Variants in TRIML2 observed in about 807,000 individuals in gnomAD.
TRIML2 encodes probable E3 ubiquitin-protein ligase TRIML2.
A neutral mutation model predicts 31.2 loss-of-function variants in TRIML2; 28 were observed. The observed-to-expected ratio is 0.90, with a 90% CI of 0.66 to 1.23. The LOEUF (loss-of-function observed/expected upper bound fraction) is 1.23, where lower values mean the gene tolerates loss of function less well. Among genes scored for constraint, TRIML2 ranks in the 50% most tolerant of loss-of-function variants. The pLI is 0.00. For missense variants in TRIML2, 536 were observed against 528.3 expected (o/e 1.01, Z -0.14); for synonymous variants, 187 against 197.5 (o/e 0.95, Z 0.45).
Position 188,104,923 on chromosome 4 carries a change from G to A in TRIML2, c.199C>T (p.Gln67Ter), listed in dbSNP as rs1226609877. ...EAAENYRKLF[Q>*]EILNTSREKL... is the part of the protein sequence containing the mutation. Reference sequence around the variant, plus strand: ...TCCCTCGATGTGTTCAATATTTCCTGGAATAACTTCTATAGAGAAAGCACA... The same window carrying A: ...TCCCTCGATGTGTTCAATATTTCCTAGAATAACTTCTATAGAGAAAGCACA... Residue 67 changes from glutamine to a stop codon, truncating the protein, a stop_gained, in exon 3 of 8, where the codon CAG becomes TAG. Coordinates refer to ENST00000682553, the MANE Select transcript of TRIML2 (RefSeq NM_173553.4). LOFTEE classifies it high-confidence loss of function. 1.2e-6 allele frequency: 2 copies of A among 1,613,112 alleles called. No individual in the cohort carries two copies. Among genetic ancestry groups the A allele is most frequent in the African/African-American group, 2.7e-5 (2 of 74,870 alleles).
intron 1 of TRIML2, among the ~76,000 whole-genome samples, chr4:188,108,884 T>C (rs570279206): frequency 1.3e-5 from 2 of 152,322 alleles, no homozygotes; most frequent in East Asian, 3.9e-4. Context: ...ACAAGTTTAC[T>C]TGTGGGTCAC....
intron 7 of TRIML2, chr4:188,092,667 C>G (rs1011317070): frequency 4.8e-6 from 2 of 413,124 alleles, no homozygotes; most frequent in African/African-American, 2.0e-5. Context: ...TCTTAAATAT[C>G]CCCACAGGGT....
At chr4:188,099,394 T>C (rs1014046299) in intron 4 of TRIML2, among the ~76,000 whole-genome samples, 1 of 152,092 alleles carries the variant, frequency 6.6e-6, no homozygotes, top group Non-Finnish European at 1.5e-5. Context: ...TGAAACCCAG[T>C]CTCCACTAGA....
chr4:188,100,800 T>C (rs1733752464), intron 4 of TRIML2, among the ~76,000 whole-genome samples: 1 of 152,170 alleles, frequency 6.6e-6, no homozygotes, highest in African/African-American at 2.4e-5. Flanking sequence ...GGTGTCTTTT[T>C]CTATGTGTGT....
At chr4:188,104,720 T>C (rs1176768157) in intron 3 of TRIML2, 117 bp downstream of exon 3, 5 of 878,352 alleles carry the variant, frequency 5.7e-6, no homozygotes, top group African/African-American at 5.0e-5. Flanking sequence ...TTCCTTCCTA[T>C]AGATTTCACA....
Position 188,091,680 on chromosome 4 carries a change from C to G in TRIML2, c.1007G>C (p.Gly336Ala). The G allele has an allele frequency of 1.2e-6, 2 of 1,613,162 alleles. No individual in the cohort carries two copies. Among genetic ancestry groups the G allele is most frequent in the Non-Finnish European group, 1.7e-6 (2 of 1,179,190 alleles). The change falls in exon 8 of 8, where the codon GGA becomes GCA. Residue 336 changes from glycine to alanine, a missense_variant. By Grantham distance (60) the Gly-to-Ala change is moderately conservative. Transcript: ENST00000682553. ...DAKGSTARAS[G>A]EKVLLTGSVM... ...CGACCCCGTGAGCAAGACTTTCTCT[C>G]CGGAAGCTCTGGCCGTGCTGCCCTT...
At chr4:188,100,714 C>T (rs1186445083) in intron 4 of TRIML2, among the ~76,000 whole-genome samples, 6 of 152,004 alleles carry the variant, frequency 3.9e-5, no homozygotes, top group Non-Finnish European at 7.4e-5. Context: ...GAGCCAGACT[C>T]TGTCTCAAAA....
chr4:188,097,333 G>C lies in TRIML2; in HGVS notation c.635C>G (p.Ser212Cys). The C allele has an allele frequency of 1.2e-6, 2 of 1,613,958 alleles. No individual in the cohort carries two copies. The highest frequency in any genetic ancestry group is 2.2e-5 in the East Asian group (1 of 44,872). The change falls in exon 6 of 8, where the codon TCT becomes TGT. Residue 212 changes from serine to cysteine, a missense_variant. By Grantham distance (112) the Ser-to-Cys change is moderately radical. Coordinates refer to ENST00000682553, the MANE Select transcript of TRIML2 (RefSeq NM_173553.4). ...CAAAATGAAAACTCACCTTTCTAAA[G>C]AGTATTTTGCATTCTAAGGGAAAGA... is the stretch of plus-strand genomic sequence containing the variant. ...TLALLKNAKY[S>C]LERSKSLLLE... is the part of the protein sequence containing the mutation.
At position 188,109,340 on chromosome 4, in the gene TRIML2, A is replaced by G. The variant is rs1734150472; in HGVS notation, c.-320T>C. ...CACCCAGGCTGGAATGCAGTGGCGC[A>G]ATCTCGGCTCACTACAGCCTCGAGC... On this transcript the variant is annotated 5_prime_UTR_variant, in exon 1 of 8. Coordinates refer to ENST00000682553, the MANE Select transcript of TRIML2 (RefSeq NM_173553.4). 7.6e-6 allele frequency: 1 copy of G among 132,094 alleles called. No homozygotes were observed. The highest frequency in any genetic ancestry group is 2.4e-4 in the South Asian group (1 of 4,132). 8.2% of individuals were successfully genotyped at this position (132,094 alleles called of 1,614,324 possible).
chr4:188,102,226 A>G (rs548146728), intron 3 of TRIML2, among the ~76,000 whole-genome samples: 1 of 152,180 alleles, frequency 6.6e-6, no homozygotes, highest in African/African-American at 2.4e-5. Flanking sequence ...GACATTGGAA[A>G]AGGGCCAATG....
intron 7 of TRIML2, among the ~76,000 whole-genome samples, chr4:188,095,920 A>G (rs1466655908): frequency 6.6e-6 from 1 of 152,354 alleles, no homozygotes; most frequent in East Asian, 1.9e-4. Flanking sequence ...CAACTGCAGT[A>G]TGCTGTCAGC....
chr4:188,099,903 A>G (rs937332187), intron 4 of TRIML2, among the ~76,000 whole-genome samples: 10 of 152,006 alleles, frequency 6.6e-5, no homozygotes, highest in African/African-American at 2.4e-4. Flanking sequence ...CGTTACTGAT[A>G]TCAATTTTCT....
chr4:188,096,829 G>A (rs1012953880), intron 7 of TRIML2, among the ~76,000 whole-genome samples: 11 of 151,812 alleles, frequency 7.2e-5, no homozygotes, highest in African/African-American at 2.2e-4. Context: ...GCTAATTTTC[G>A]TATTTTTTGT....
intron 4 of TRIML2, among the ~76,000 whole-genome samples, chr4:188,100,729 G>A (rs951216421): frequency 6.6e-6 from 1 of 152,028 alleles, no homozygotes; most frequent in Non-Finnish European, 1.5e-5. Flanking sequence ...TCAAAAAAAA[G>A]AAAGGTGAAT....
intron 3 of TRIML2, among the ~76,000 whole-genome samples, chr4:188,102,130 A>C (rs1363882238): frequency 1.0e-5 from 1 of 99,526 alleles, no homozygotes; most frequent in African/African-American, 4.2e-5. Context: ...ACTCCATCTT[A>C]AAAAAAAAAA....
intron 7 of TRIML2, among the ~76,000 whole-genome samples, chr4:188,096,797 C>T (rs1041495118): frequency 1.3e-5 from 2 of 151,744 alleles, no homozygotes; most frequent in Non-Finnish European, 2.9e-5. Context: ...GCAGGGACTA[C>T]AGGCACACGC....
intron 5 of TRIML2, chr4:188,098,722 G>T: frequency 3.5e-6 from 1 of 289,366 alleles, no homozygotes; most frequent in Non-Finnish European, 6.5e-6. Flanking sequence ...TGCCTATAGA[G>T]CTGTTTTATT....
chr4:188,092,644 C>T (rs934885697), intron 7 of TRIML2: 43 of 375,640 alleles, frequency 1.1e-4, no homozygotes, highest in Non-Finnish European at 1.9e-4. Flanking sequence ...CTCCCGATGC[C>T]GTACTCTACA....
At chr4:188,103,676 T>A (rs1008407136) in intron 3 of TRIML2, among the ~76,000 whole-genome samples, 1 of 152,184 alleles carries the variant, frequency 6.6e-6, no homozygotes, top group Non-Finnish European at 1.5e-5. Flanking sequence ...AAAATTTTTT[T>A]AAACACTTCC....
Sources: allele counts gnomAD v4.1 joint callset (sites outside exome capture counted in the v4.1 genomes callset), GRCh38; gene constraint gnomAD v4.1.1; transcripts MANE v1.5; gene names NCBI Gene and HGNC (gene_info 2026-07-23, HGNC 2026-07-21).